AFF1: variants seen among roughly 807,000 people sequenced by gnomAD.
The protein encoded by AFF1 is AF4/FMR2 family member 1.
In AFF1, 48 loss-of-function variants were observed where a neutral mutation model predicts 121.7. That is an observed-to-expected ratio of 0.39 (90% CI 0.31 to 0.50). The LOEUF is 0.50. Among genes scored for constraint, AFF1 ranks in the 20% least tolerant of loss-of-function variants. The pLI, the probability that AFF1 is intolerant of heterozygous loss-of-function variation, is 0.76. For missense variants in AFF1, 1,523 were observed against 1,511.7 expected (o/e 1.01, Z -0.12); for synonymous variants, 613 against 563.0 (o/e 1.09, Z -1.26).
intron 2 of AFF1, among the ~76,000 whole-genome samples, chr4:86,976,243 A>G (rs1025207991): frequency 1.3e-5 from 2 of 152,142 alleles, no homozygotes; most frequent in East Asian, 3.9e-4. Flanking sequence ...TATTTAACAC[A>G]TCTATACTCA....
intron 2 of AFF1, chr4:87,036,902 G>T: frequency 2.4e-6 from 1 of 420,920 alleles, no homozygotes; most frequent in Non-Finnish European, 4.7e-6. Flanking sequence ...TGTGACCTGG[G>T]CTCGCTGTAA....
In AFF1 at chr4:87,115,389, A is replaced by G. The variant is rs1727002134; in HGVS notation, c.2466+90A>G. The G allele has an allele frequency of 2.3e-6, 3 of 1,280,936 alleles. No homozygotes were observed. In the South Asian group the frequency reaches 4.6e-5, roughly 20 times the overall value. The allele number at this position is 1,280,936 out of a possible 1,614,324, so 79.3% of individuals were successfully genotyped here. A position where few individuals can be genotyped will look rare whatever the true frequency, so the allele number is the denominator to read the frequency against. On this transcript the variant is annotated intron_variant, in intron 12 of 20. Coordinates refer to ENST00000395146, the MANE Select transcript of AFF1 (RefSeq NM_001166693.3). ...TTTGATCGGCCTTTGATTTAGGCCC[A>G]GTTGAGTTGTCTCACAAGTCTTTGC...
At chr4:87,104,683 G>C (rs762160923) in intron 8 of AFF1, among the ~76,000 whole-genome samples, 1 of 152,062 alleles carries the variant, frequency 6.6e-6, no homozygotes, top group African/African-American at 2.4e-5. Context: ...AAAAATTGTT[G>C]ATCAGATTTT....
intron 2 of AFF1, among the ~76,000 whole-genome samples, chr4:86,994,388 A>C (rs1190665425): frequency 1.3e-5 from 2 of 152,234 alleles, no homozygotes; most frequent in Non-Finnish European, 2.9e-5. Context: ...GAAATTGTTC[A>C]TTGATCCTCA....
chr4:87,033,328 G>T (rs1227927024), intron 2 of AFF1, among the ~76,000 whole-genome samples: 1 of 152,166 alleles, frequency 6.6e-6, no homozygotes, highest in African/African-American at 2.4e-5. Context: ...CTGAGCATTT[G>T]TTCTGGCTGA....
At chr4:87,016,481 GGCGGAGCTTGCAGTGA>G (rs1226068889) in intron 2 of AFF1, among the ~76,000 whole-genome samples, 3 of 151,608 alleles carry the variant, frequency 2.0e-5, no homozygotes, top group African/African-American at 7.3e-5. Flanking sequence ...AACCTGGGAG[GGCGGAGCTTGCAGTGA>G]GCGGAGATTG....
chr4:86,943,085 T>C (rs1246592865), intron 1 of AFF1, among the ~76,000 whole-genome samples: 1 of 152,204 alleles, frequency 6.6e-6, no homozygotes, highest in African/African-American at 2.4e-5. Context: ...GAGAATGTCA[T>C]TGGAGCTGAG....
At chr4:87,045,034 G>T (rs1373998804) in intron 2 of AFF1, among the ~76,000 whole-genome samples, 1 of 152,254 alleles carries the variant, frequency 6.6e-6, no homozygotes, top group South Asian at 2.1e-4. Context: ...TTCATGAGAA[G>T]GCTGAATTAA....
intron 2 of AFF1, among the ~76,000 whole-genome samples, chr4:86,988,199 C>T (rs1260317464): frequency 6.6e-6 from 1 of 152,098 alleles, no homozygotes; most frequent in African/African-American, 2.4e-5. Context: ...CAAACCTTCT[C>T]TTGCAACTGC....
chr4:87,022,578 A>C (rs370662918), intron 2 of AFF1, among the ~76,000 whole-genome samples: 10 of 87,218 alleles, frequency 1.1e-4, no homozygotes, highest in Admixed American at 2.4e-4. Context: ...ATATATATAT[A>C]TATATCTATC....
At position 87,132,690 on chromosome 4, in the gene AFF1, C is replaced by G. The variant is rs116617080; in HGVS notation, c.3311+282C>G. Among the ~76,000 whole-genome samples, 752 of 152,098 alleles carry G rather than the reference C, an allele frequency of 4.9e-3. 4 individuals carry two copies. Among genetic ancestry groups the G allele is most frequent in the Non-Finnish European group, 6.4e-3 (434 of 67,970 alleles). ...TGAGCTTTGAGGTTTTTGTTTGTTT[C>G]TTTGTTTGTTTGTTTTTTGAGACAG... On this transcript the variant is annotated intron_variant, in intron 19 of 20. Transcript: ENST00000395146.
At chr4:87,045,120 A>G (rs1730540997) in intron 2 of AFF1, among the ~76,000 whole-genome samples, 1 of 152,110 alleles carries the variant, frequency 6.6e-6, no homozygotes, top group Non-Finnish European at 1.5e-5. Flanking sequence ...GAAGAGGGCA[A>G]AGAGGCCAGG....
At chr4:86,948,786 CATT>C (rs930127701) in intron 2 of AFF1, among the ~76,000 whole-genome samples, 6 of 152,124 alleles carry the variant, frequency 3.9e-5, no homozygotes, top group African/African-American at 1.4e-4. Flanking sequence ...TCTGTTAACT[CATT>C]TTTTTTAAAA....
chr4:87,053,927 A>G (rs1159029564), intron 4 of AFF1, among the ~76,000 whole-genome samples: 1 of 152,202 alleles, frequency 6.6e-6, no homozygotes, highest in Admixed American at 6.5e-5. Flanking sequence ...TACTATTTGA[A>G]TGAGAGCTGA....
chr4:87,045,352 C>G (rs1730570154), intron 2 of AFF1, among the ~76,000 whole-genome samples: 1 of 151,504 alleles, frequency 6.6e-6, no homozygotes, highest in Non-Finnish European at 1.5e-5. Flanking sequence ...GGGAAGTGAC[C>G]CTTGGTGCTG....
intron 2 of AFF1, among the ~76,000 whole-genome samples, chr4:87,043,725 T>C (rs886180921): frequency 2.0e-5 from 3 of 152,236 alleles, no homozygotes; most frequent in Non-Finnish European, 4.4e-5. Flanking sequence ...ACTTTGTGGT[T>C]TTAAGAGTTC....
chr4:86,956,301 T>G (rs1008923221), intron 2 of AFF1, among the ~76,000 whole-genome samples: 3 of 152,200 alleles, frequency 2.0e-5, no homozygotes, highest in Non-Finnish European at 4.4e-5. Flanking sequence ...TAGAAGAGTT[T>G]AGATTCAGAC....
intron 2 of AFF1, among the ~76,000 whole-genome samples, chr4:86,995,285 CCTCCCCCTCT>C (rs1725040501): frequency 8.2e-6 from 1 of 122,238 alleles, no homozygotes; most frequent in African/African-American, 3.2e-5. Flanking sequence ...TCCCCCTCTC[CCTCCCCCTCT>C]CCCTCCCTCC....
intron 5 of AFF1, among the ~76,000 whole-genome samples, chr4:87,089,290 GA>G: frequency 6.6e-6 from 1 of 152,202 alleles, no homozygotes; most frequent in East Asian, 1.9e-4. Flanking sequence ...AGTATTTTTA[GA>G]AAAATTTGTG....
Sources: allele counts gnomAD v4.1 joint callset (sites outside exome capture counted in the v4.1 genomes callset), GRCh38; gene constraint gnomAD v4.1.1; transcripts MANE v1.5; gene names NCBI Gene and HGNC (gene_info 2026-07-23, HGNC 2026-07-21).